PDE4D: variants seen among roughly 807,000 people sequenced by gnomAD.
PDE4D encodes phosphodiesterase 4D, also known as 3',5'-cyclic-AMP phosphodiesterase 4D.
PDE4D carries 24 observed loss-of-function variants against 87.4 expected under a neutral mutation model. The ratio of observed to expected loss-of-function variants is 0.27; its 90% CI spans 0.20 to 0.39. The LOEUF (loss-of-function observed/expected upper bound fraction) is 0.39, where lower values mean the gene tolerates loss of function less well. Ranked by LOEUF, PDE4D falls within the 10% of genes least tolerant of loss-of-function variation. The pLI, the probability that PDE4D is intolerant of heterozygous loss-of-function variation, is 1.00. For synonymous variants in PDE4D, 384 were observed against 383.2 expected, an observed-to-expected ratio of 1.00 and a Z score of -0.02; for missense variants, 714 against 1,041.0, an observed-to-expected ratio of 0.69 and a Z score of 4.32.
intron 1 of PDE4D, among the ~76,000 whole-genome samples, chr5:59,631,430 C>A (rs1831550260): frequency 6.6e-6 from 1 of 152,122 alleles, no homozygotes; most frequent in South Asian, 2.1e-4. Context: ...ATTTTAAGAT[C>A]ATTATTTTTC....
rs1312684523 is a variant in PDE4D at position 59,936,393 on chromosome 5, C to T, written c.272+52095G>A. On this transcript the variant is annotated intron_variant, in intron 3 of 16. Transcript: ENST00000502484. ...GAAAAGAAATGCAGCACTTCAGTCC[C>T]ATTCTAGACTCCCTGATCAGCATCT... Among the ~76,000 whole-genome samples, 8 of 152,228 alleles carry T rather than the reference C, an allele frequency of 5.3e-5. No individual in the cohort carries two copies. The East Asian group carries it at 1.5e-3, about 29-fold the overall frequency.
chr5:59,971,524 G>C (rs1760770097), intron 3 of PDE4D, among the ~76,000 whole-genome samples: 1 of 152,040 alleles, frequency 6.6e-6, no homozygotes, highest in Non-Finnish European at 1.5e-5. Context: ...ATTAATTGTA[G>C]TGCAAACCAC....
intron 1 of PDE4D, among the ~76,000 whole-genome samples, chr5:59,496,400 T>A (rs1483462438): frequency 1.3e-5 from 2 of 152,158 alleles, no homozygotes; most frequent in African/African-American, 4.8e-5. Context: ...CTGGAGTGCC[T>A]GTCCTCACCT....
At chr5:59,833,158 C>T (rs914540723) in intron 1 of PDE4D, among the ~76,000 whole-genome samples, 10 of 152,038 alleles carry the variant, frequency 6.6e-5, no homozygotes, top group Admixed American at 3.3e-4. Context: ...AGTGTACTGG[C>T]ATCTGTGGTG....
chr5:60,193,752 A>T (rs1261550761), intron 1 of PDE4D, among the ~76,000 whole-genome samples: 1 of 151,324 alleles, frequency 6.6e-6, no homozygotes, highest in Non-Finnish European at 1.5e-5. Flanking sequence ...AAATATTTTT[A>T]AAATAGTAAG....
chr5:59,486,387 A>G (rs1582823567), intron 1 of PDE4D, among the ~76,000 whole-genome samples: 1 of 152,308 alleles, frequency 6.6e-6, no homozygotes, highest in East Asian at 1.9e-4. Flanking sequence ...TTTGAAATAC[A>G]TACCATCTTA....
At chr5:59,512,069 C>A (rs1358720829) in intron 1 of PDE4D, among the ~76,000 whole-genome samples, 5 of 152,128 alleles carry the variant, frequency 3.3e-5, no homozygotes, top group Non-Finnish European at 7.4e-5. Flanking sequence ...ATCTTAACAT[C>A]TGGTTTTTGT....
chr5:59,131,182 G>A (rs1776200583), intron 5 of PDE4D, among the ~76,000 whole-genome samples: 1 of 152,148 alleles, frequency 6.6e-6, no homozygotes, highest in Non-Finnish European at 1.5e-5. Context: ...TTCTGAGTTG[G>A]TTATATGCTC....
intron 3 of PDE4D, among the ~76,000 whole-genome samples, chr5:59,915,193 T>C (rs538323698): frequency 1.4e-4 from 21 of 152,154 alleles, no homozygotes; most frequent in Non-Finnish European, 2.6e-4. Flanking sequence ...TAACTCTCTT[T>C]TGTGGCTGAA....
intron 2 of PDE4D, among the ~76,000 whole-genome samples, chr5:60,184,805 A>G (rs1371053080): frequency 2.0e-5 from 3 of 152,188 alleles, no homozygotes; most frequent in Non-Finnish European, 4.4e-5. Context: ...CTTCAAATTA[A>G]TGTTCCTACG....
chr5:59,328,192 G>A (rs1268357205), intron 1 of PDE4D, among the ~76,000 whole-genome samples: 1 of 152,158 alleles, frequency 6.6e-6, no homozygotes, highest in East Asian at 1.9e-4. Flanking sequence ...AGACAGACTA[G>A]TGGAATTTGA....
intron 1 of PDE4D, among the ~76,000 whole-genome samples, chr5:60,343,773 TA>T (rs1280492082): frequency 6.6e-6 from 1 of 152,144 alleles, no homozygotes; most frequent in Non-Finnish European, 1.5e-5. Context: ...AGTTACACCA[TA>T]ATTCCAGTGA....
chr5:59,416,414 C>T (rs1582490587), intron 1 of PDE4D, among the ~76,000 whole-genome samples: 1 of 151,982 alleles, frequency 6.6e-6, no homozygotes, highest in Non-Finnish European at 1.5e-5. Context: ...CATGGGGGTT[C>T]GTTCGTAGTC....
chr5:59,142,283 C>T (rs1778004437), intron 5 of PDE4D, among the ~76,000 whole-genome samples: 1 of 152,148 alleles, frequency 6.6e-6, no homozygotes, highest in South Asian at 2.1e-4. Context: ...TTCTGAAATG[C>T]ATCTCATCCT....
intron 6 of PDE4D, among the ~76,000 whole-genome samples, chr5:59,023,257 C>T (rs1755561267): frequency 6.6e-6 from 1 of 151,826 alleles, no homozygotes; most frequent in African/African-American, 2.4e-5. Context: ...TCTTCCCCAC[C>T]AATACAACAT....
intron 1 of PDE4D, among the ~76,000 whole-genome samples, chr5:59,507,431 G>C (rs1205532086): frequency 6.6e-6 from 1 of 151,986 alleles, no homozygotes; most frequent in Admixed American, 6.6e-5. Context: ...CATATATAAA[G>C]ACAAATGTTC....
At chr5:60,418,327 G>C (rs1018082296) in intron 1 of PDE4D, among the ~76,000 whole-genome samples, 1 of 152,018 alleles carries the variant, frequency 6.6e-6, no homozygotes, top group East Asian at 1.9e-4. Context: ...GCACAAAAAG[G>C]GGAGAATAAT....
chr5:59,526,149 T>C lies in PDE4D; in HGVS notation c.456-310181A>G, dbSNP rs905464625. On this transcript the variant is annotated intron_variant, in intron 1 of 14. Coordinates refer to ENST00000340635, the MANE Select transcript of PDE4D (RefSeq NM_001104631.2). ...TCCTCACTAGATAAACATTCTGAAATAACAGTACAGGGCAAGCAGTCCTAG... is the reference window on the plus strand; with the variant it reads ...TCCTCACTAGATAAACATTCTGAAACAACAGTACAGGGCAAGCAGTCCTAG... Among the ~76,000 whole-genome samples, 4 of 152,178 alleles carry C rather than the reference T, an allele frequency of 2.6e-5. No homozygotes were observed. The East Asian group carries it at 7.7e-4, about 29-fold the overall frequency.
intron 11 of PDE4D, among the ~76,000 whole-genome samples, chr5:58,982,596 T>TAATC (rs962518274): frequency 6.6e-6 from 1 of 152,350 alleles, no homozygotes; most frequent in African/African-American, 2.4e-5. Flanking sequence ...TGGTCCAATG[T>TAATC]AATCAACCAG....
Sources: gnomAD v4.1 joint callset for allele counts (sites outside exome capture counted in the v4.1 genomes callset) on GRCh38, gnomAD v4.1.1 for gene constraint, MANE v1.5 for transcripts, NCBI Gene and HGNC (gene_info 2026-07-23, HGNC 2026-07-21) for gene names.